ZFAND3: variants seen among roughly 807,000 people sequenced by gnomAD.
The protein encoded by ZFAND3 is AN1-type zinc finger protein 3.
A neutral mutation model predicts 29.6 loss-of-function variants in ZFAND3; 10 were observed. That is an observed-to-expected ratio of 0.34 (90% CI 0.21 to 0.57). The LOEUF (loss-of-function observed/expected upper bound fraction) is 0.57. Among genes scored for constraint, ZFAND3 ranks in the 20% least tolerant of loss-of-function variants. The pLI, the probability that ZFAND3 is intolerant of heterozygous loss-of-function variation, is 0.86. For synonymous variants in ZFAND3, 128 were observed against 112.6 expected (o/e 1.14, Z -0.87); for missense variants, 230 against 304.5 (o/e 0.76, Z 1.82).
intron 2 of ZFAND3, among the ~76,000 whole-genome samples, chr6:38,054,395 A>G (rs1020180331): frequency 2.4e-5 from 3 of 127,028 alleles, no homozygotes; most frequent in Admixed American, 1.8e-4. Context: ...CCCTGTCTCA[A>G]ATTAAAAAAA....
chr6:38,008,872 A>T (rs148016150), intron 2 of ZFAND3, among the ~76,000 whole-genome samples: 4 of 152,174 alleles, frequency 2.6e-5, no homozygotes, highest in Non-Finnish European at 5.9e-5. Context: ...AAAAAAAAAA[A>T]TCACAATGGG....
chr6:37,916,476 G>C (rs558452502), intron 1 of ZFAND3, among the ~76,000 whole-genome samples: 1 of 150,888 alleles, frequency 6.6e-6, no homozygotes, highest in African/African-American at 2.4e-5. Context: ...AGGCTAACAC[G>C]GTGAAACGCT....
At chr6:37,991,122 C>T (rs747593188) in intron 2 of ZFAND3, among the ~76,000 whole-genome samples, 20 of 152,056 alleles carry the variant, frequency 1.3e-4, no homozygotes, top group Non-Finnish European at 2.4e-4. Context: ...AGGAGGGTCT[C>T]TGGAAACCTC....
intron 1 of ZFAND3, among the ~76,000 whole-genome samples, chr6:37,897,036 A>G (rs1042765030): frequency 1.3e-5 from 2 of 152,184 alleles, no homozygotes; most frequent in African/African-American, 4.8e-5. Flanking sequence ...AAATTTAGAT[A>G]TGACTTACAT....
chr6:38,123,448 G>A (rs1289693919), intron 5 of ZFAND3, among the ~76,000 whole-genome samples: 1 of 152,242 alleles, frequency 6.6e-6, no homozygotes, highest in Admixed American at 6.5e-5. Context: ...AAGTGAGGCA[G>A]TATGTTCTTA....
chr6:38,091,839 A>C (rs1764879375), intron 4 of ZFAND3, among the ~76,000 whole-genome samples: 1 of 151,830 alleles, frequency 6.6e-6, no homozygotes, highest in Non-Finnish European at 1.5e-5. Flanking sequence ...ATTACTGCTC[A>C]TCAGCAATTA....
intron 2 of ZFAND3, among the ~76,000 whole-genome samples, chr6:38,021,734 G>A (rs1030091076): frequency 6.6e-6 from 1 of 152,138 alleles, no homozygotes; most frequent in Non-Finnish European, 1.5e-5. Flanking sequence ...AAATAGAGCA[G>A]GGCTGCTGTT....
chr6:38,144,231 A>ATATATATATAATATATATATATATT (rs1365246829), intron 5 of ZFAND3, among the ~76,000 whole-genome samples: 9 of 75,276 alleles, frequency 1.2e-4, no homozygotes, highest in African/African-American at 3.4e-4. Context: ...ATATATATAT[A>ATATATATATAATATATATATATATT]TTTTTTTTTT....
intron 2 of ZFAND3, among the ~76,000 whole-genome samples, chr6:37,932,346 T>C (rs13206035): frequency 0.17 from 25,948 of 152,172 alleles, 2,459 homozygotes; most frequent in East Asian, 0.33. Context: ...GAAATGCTTC[T>C]TCACTGATGA....
chr6:37,820,540 G>A (rs75553944), intron 1 of ZFAND3, among the ~76,000 whole-genome samples: 11 of 152,260 alleles, frequency 7.2e-5, no homozygotes, highest in African/African-American at 2.6e-4. Context: ...CTATTCACAC[G>A]TCACCCGTTT....
intron 4 of ZFAND3, among the ~76,000 whole-genome samples, chr6:38,107,029 A>C (rs1765224401): frequency 6.6e-6 from 1 of 152,034 alleles, no homozygotes; most frequent in Non-Finnish European, 1.5e-5. Context: ...TAAAATAAGA[A>C]TTTTAGAGAA....
At chr6:38,009,783 G>A (rs940619674) in intron 2 of ZFAND3, among the ~76,000 whole-genome samples, 5 of 152,136 alleles carry the variant, frequency 3.3e-5, no homozygotes, top group African/African-American at 1.2e-4. Context: ...GGTGGTTACC[G>A]TTGCATTTTA....
chr6:38,017,309 A>G (rs953625109), intron 2 of ZFAND3, among the ~76,000 whole-genome samples: 3 of 152,178 alleles, frequency 2.0e-5, no homozygotes, highest in Non-Finnish European at 1.5e-5. Flanking sequence ...AAAGCACAGG[A>G]GAAGGAACCC....
chr6:38,065,493 C>G (rs939060972), intron 3 of ZFAND3, among the ~76,000 whole-genome samples: 3 of 152,140 alleles, frequency 2.0e-5, no homozygotes, highest in Non-Finnish European at 2.9e-5. Flanking sequence ...AATGTTAGCT[C>G]ACATTTATGA....
intron 1 of ZFAND3, among the ~76,000 whole-genome samples, chr6:37,913,461 T>A (rs1765558503): frequency 6.6e-6 from 1 of 152,214 alleles, no homozygotes; most frequent in Non-Finnish European, 1.5e-5. Context: ...CTTCAGGCTC[T>A]ACCTCTGATT....
chr6:37,820,613 A>G (rs1349279123), intron 1 of ZFAND3, among the ~76,000 whole-genome samples: 1 of 152,236 alleles, frequency 6.6e-6, no homozygotes, highest in Non-Finnish European at 1.5e-5. Context: ...TCTCACCTTC[A>G]TGTAAAACAC....
chr6:37,996,694 A>G (rs1762854912), intron 2 of ZFAND3, among the ~76,000 whole-genome samples: 1 of 152,156 alleles, frequency 6.6e-6, no homozygotes, highest in South Asian at 2.1e-4. Flanking sequence ...AATTTGGTTA[A>G]TTTAATTATC....
chr6:37,970,344 T>C (rs1203982865), intron 2 of ZFAND3, among the ~76,000 whole-genome samples: 1 of 152,114 alleles, frequency 6.6e-6, no homozygotes, highest in African/African-American at 2.4e-5. Context: ...TTGCAGTTTT[T>C]GAAAGTTTGA....
chr6:37,906,648 G>A lies in ZFAND3; in HGVS notation c.72-23311G>A, dbSNP rs549934337. Among the ~76,000 whole-genome samples the A allele has an allele frequency of 2.8e-3, 429 of 151,460 alleles. 1 individual carries two copies. Among genetic ancestry groups the A allele is most frequent in the African/African-American group, 9.9e-3 (407 of 41,302 alleles). On this transcript the variant is annotated intron_variant, in intron 1 of 5. Coordinates refer to ENST00000287218, the MANE Select transcript of ZFAND3 (RefSeq NM_021943.3). ...GGCTGCACCATTTTACACTCCATTA[G>A]CAATGTATGAGGGTTCCAGTTTCTC...
Sources: allele counts gnomAD v4.1 joint callset (sites outside exome capture counted in the v4.1 genomes callset), GRCh38; gene constraint gnomAD v4.1.1; transcripts MANE v1.5; gene names NCBI Gene and HGNC (gene_info 2026-07-23, HGNC 2026-07-21).